The following NKAIN3 variants were observed in gnomAD, a reference collection of about 807,000 sequenced individuals.
The protein encoded by NKAIN3 is sodium/potassium transporting ATPase interacting 3.
In NKAIN3, 25 loss-of-function variants were observed where a neutral mutation model predicts 30.2. The observed-to-expected ratio is 0.83, with a 90% CI of 0.60 to 1.16. The LOEUF (loss-of-function observed/expected upper bound fraction) is 1.16, where lower values mean the gene tolerates loss of function less well. NKAIN3 is among the 50% of genes most tolerant of loss of function. The pLI, the probability that NKAIN3 is intolerant of heterozygous loss-of-function variation, is 0.00. For synonymous variants in NKAIN3, 91 were observed against 89.6 expected (o/e 1.02, Z -0.09); for missense variants, 225 against 254.1 (o/e 0.89, Z 0.78).
intron 4 of NKAIN3, among the ~76,000 whole-genome samples, chr8:62,821,998 G>A (rs960408593): frequency 1.3e-5 from 2 of 151,942 alleles, no homozygotes; most frequent in Non-Finnish European, 2.9e-5. Context: ...AGGGTGATGG[G>A]CAAAGCCACA....
At chr8:62,955,115 A>T (rs1336200442) in intron 6 of NKAIN3, among the ~76,000 whole-genome samples, 7 of 152,238 alleles carry the variant, frequency 4.6e-5, no homozygotes, top group Non-Finnish European at 1.5e-5. Context: ...TGAGAAGGCT[A>T]CACTGATTCC....
At chr8:62,383,789 TAA>T (rs2129594108) in intron 1 of NKAIN3, among the ~76,000 whole-genome samples, 1 of 152,242 alleles carries the variant, frequency 6.6e-6, no homozygotes. Flanking sequence ...ACATAAAAGC[TAA>T]GTTTTCAATA....
intron 1 of NKAIN3, among the ~76,000 whole-genome samples, chr8:62,274,239 C>T (rs1353600915): frequency 7.2e-6 from 1 of 138,458 alleles, no homozygotes; most frequent in Non-Finnish European, 1.6e-5. Flanking sequence ...ATTCTGGAAC[C>T]AAACTGCATC....
chr8:62,426,444 G>T (rs1427601162), intron 1 of NKAIN3, among the ~76,000 whole-genome samples: 1 of 151,900 alleles, frequency 6.6e-6, no homozygotes, highest in Non-Finnish European at 1.5e-5. Flanking sequence ...TTAAACTACT[G>T]GAGTATTTAT....
intron 1 of NKAIN3, among the ~76,000 whole-genome samples, chr8:62,467,846 G>C (rs910483311): frequency 1.3e-5 from 2 of 152,012 alleles, no homozygotes; most frequent in African/African-American, 4.8e-5. Flanking sequence ...TCTCACTGCA[G>C]CCTTGACCTT....
At chr8:62,731,473 A>G (rs1815463770) in intron 3 of NKAIN3, among the ~76,000 whole-genome samples, 1 of 152,146 alleles carries the variant, frequency 6.6e-6, no homozygotes, top group Non-Finnish European at 1.5e-5. Flanking sequence ...TAAAATACCA[A>G]ACTGATATAA....
intron 4 of NKAIN3, among the ~76,000 whole-genome samples, chr8:62,757,905 G>A (rs568581557): frequency 1.5e-4 from 23 of 152,282 alleles, no homozygotes; most frequent in African/African-American, 5.3e-4. Context: ...GTTTCAGTTT[G>A]TAAACAGGTG....
At chr8:62,504,058 G>A (rs1056263972) in intron 1 of NKAIN3, among the ~76,000 whole-genome samples, 20 of 152,296 alleles carry the variant, frequency 1.3e-4, no homozygotes, top group Admixed American at 5.9e-4. Flanking sequence ...CTGCCACGGC[G>A]CCAGCCGGTC....
chr8:62,947,236 T>A (rs909420249), intron 5 of NKAIN3, among the ~76,000 whole-genome samples: 1 of 152,194 alleles, frequency 6.6e-6, no homozygotes, highest in Non-Finnish European at 1.5e-5. Context: ...CTCAAAATCT[T>A]ATAATTATTA....
At chr8:62,577,288 A>T (rs1331099571) in intron 1 of NKAIN3, among the ~76,000 whole-genome samples, 1 of 151,952 alleles carries the variant, frequency 6.6e-6, no homozygotes. Context: ...ATATTTTCTC[A>T]TAAGTGGCAT....
At chr8:62,501,970 CA>C (rs567205996) in intron 1 of NKAIN3, among the ~76,000 whole-genome samples, 75 of 151,974 alleles carry the variant, frequency 4.9e-4, no homozygotes, top group African/African-American at 1.8e-3. Context: ...TATGTTTAAG[CA>C]AAAAAAGATT....
chr8:62,259,714 G>A (rs1036861820), intron 1 of NKAIN3, among the ~76,000 whole-genome samples: 6 of 152,130 alleles, frequency 3.9e-5, no homozygotes, highest in African/African-American at 9.7e-5. Flanking sequence ...ATTTTAAGAT[G>A]AGCATAGTTA....
intron 1 of NKAIN3, among the ~76,000 whole-genome samples, chr8:62,439,798 AT>A (rs1212771030): frequency 1.3e-5 from 2 of 152,108 alleles, no homozygotes; most frequent in African/African-American, 4.8e-5. Context: ...CAGAGAAGCA[AT>A]TTTTTTGTTG....
intron 1 of NKAIN3, among the ~76,000 whole-genome samples, chr8:62,445,648 T>C (rs951711617): frequency 1.6e-4 from 25 of 152,142 alleles, no homozygotes; most frequent in African/African-American, 6.0e-4. Flanking sequence ...GTTCAGAATA[T>C]AGTAGTAGAG....
intron 2 of NKAIN3, among the ~76,000 whole-genome samples, chr8:62,586,071 T>C (rs1332265119): frequency 6.6e-6 from 1 of 152,198 alleles, no homozygotes; most frequent in East Asian, 1.9e-4. Context: ...CAAAACTGCC[T>C]TTAAAAATTT....
chr8:62,930,259 C>CT (rs34934320), intron 5 of NKAIN3, among the ~76,000 whole-genome samples: 383 of 148,426 alleles, frequency 2.6e-3, no homozygotes, highest in African/African-American at 7.4e-3. Flanking sequence ...TCCATTCTAC[C>CT]TTTTTTTTTT....
rs537302763 is a variant in NKAIN3, at chr8:62,907,736, G to C, written c.472-10717G>C. 2.0e-5 allele frequency among the ~76,000 whole-genome samples: 3 copies of C among 152,306 alleles called. No homozygotes were observed. In the South Asian group the frequency reaches 6.2e-4, roughly 32 times the overall value. ...GGGCTTGCAGAGGCACAGAAATTAA[G>C]AACTGAGGTTTGAGAACCTCCACCT... On this transcript the variant is annotated intron_variant, in intron 4 of 6. Transcript: ENST00000623646.
intron 4 of NKAIN3, among the ~76,000 whole-genome samples, chr8:62,779,706 T>C (rs562570831): frequency 2.6e-5 from 4 of 152,192 alleles, no homozygotes; most frequent in African/African-American, 9.7e-5. Flanking sequence ...ATGGACAATA[T>C]GTTAGAACAC....
rs191341012 is a variant in NKAIN3, at chr8:62,919,203, C to T, written c.532+690C>T. On this transcript the variant is annotated intron_variant, in intron 5 of 6. Transcript: ENST00000623646. ...TCTTGGCACAACTCTGTTAGGGACT[C>T]ACTTTTTTTTATTTACTTTCAAAAT... 9.5e-3 allele frequency among the ~76,000 whole-genome samples: 1,120 copies of T among 118,502 alleles called. 9 individuals are homozygous for T. The highest frequency in any genetic ancestry group is 0.014 in the Non-Finnish European group (815 of 57,470). 77.7% of individuals were successfully genotyped at this position (118,502 alleles called of 152,430 possible). A position where few individuals can be genotyped will look rare whatever the true frequency, so the allele number is the denominator to read the frequency against.
Sources: gnomAD v4.1 joint callset for allele counts (sites outside exome capture counted in the v4.1 genomes callset) on GRCh38, gnomAD v4.1.1 for gene constraint, MANE v1.5 for transcripts, NCBI Gene and HGNC (gene_info 2026-07-23, HGNC 2026-07-21) for gene names.